The following SERINC5 variants were observed in gnomAD, a reference collection of about 807,000 sequenced individuals.
The protein encoded by SERINC5 is serine incorporator 5, also known as chromosome 5 open reading frame 12.
Under a neutral mutation model 63.1 loss-of-function variants are expected in SERINC5, and 41 were observed. The ratio of observed to expected loss-of-function variants is 0.65; its 90% CI spans 0.51 to 0.84. The LOEUF (loss-of-function observed/expected upper bound fraction) is 0.84, where lower values mean the gene tolerates loss of function less well. Among genes scored for constraint, SERINC5 ranks in the 40% least tolerant of loss-of-function variants. SERINC5 has a pLI of 0.00. For synonymous variants in SERINC5, 222 were observed against 215.2 expected (o/e 1.03, Z -0.28); for missense variants, 523 against 573.0 (o/e 0.91, Z 0.89).
chr5:80,145,965 G>A (rs752231174), intron 11 of SERINC5, 125 bp downstream of exon 11: 22 of 966,932 alleles, frequency 2.3e-5, no homozygotes, highest in Admixed American at 2.1e-4. Context: ...AGCCAGGATC[G>A]TGCCACTGCA....
At chr5:80,157,172 T>C (rs1746593173) in intron 8 of SERINC5, 1 of 152,006 alleles carries the variant, frequency 6.6e-6, no homozygotes. Flanking sequence ...TTTGTATTTT[T>C]AGTAGATATG....
At chr5:80,134,450 C>A (rs2112263355), downstream of SERINC5, among the ~76,000 whole-genome samples, 1 of 152,296 alleles carries the variant, frequency 6.6e-6, no homozygotes, top group East Asian at 1.9e-4. Flanking sequence ...GGGGCCACTG[C>A]ACTCCAGCCT....
At chr5:80,121,880 G>A (rs74606929) in intron 11 of SERINC5, among the ~76,000 whole-genome samples, 30 of 151,724 alleles carry the variant, frequency 2.0e-4, no homozygotes, top group Non-Finnish European at 2.6e-4. Context: ...TCATTACCTC[G>A]GGGAGGGCAC....
At chr5:80,154,224 G>A (rs1418035384) in intron 8 of SERINC5, among the ~76,000 whole-genome samples, 1 of 151,872 alleles carries the variant, frequency 6.6e-6, no homozygotes, top group African/African-American at 2.4e-5. Flanking sequence ...TTTTTGCCCA[G>A]GCTGTAGTGC....
In SERINC5 at chr5:80,143,701, C is replaced by A. The variant is rs537411704; in HGVS notation, c.1348G>T (p.Ala450Ser). ...TCCCGGGTGGGGCAGCAGAGGGGAG[C>A]GACCAGCGTACACAGGTACAACAGC... The part of the protein sequence containing the change: ...CVLLYLCTLV[A>S]PLCCPTREFS... The change falls in exon 12 of 12, where the codon GCT becomes TCT. Residue 450 changes from alanine (A) to serine (S), a missense_variant. Physicochemically the swap from Ala to Ser is moderately conservative, Grantham distance 99 (BLOSUM62 1). Transcript: ENST00000507668. 6.5e-7 allele frequency: 1 copy of A among 1,536,076 alleles called. No individual in the cohort carries two copies. Among genetic ancestry groups the A allele is most frequent in the Non-Finnish European group, 8.7e-7 (1 of 1,146,852 alleles).
At chr5:80,171,210 T>C (rs1251438839) in intron 5 of SERINC5, among the ~76,000 whole-genome samples, 1 of 152,034 alleles carries the variant, frequency 6.6e-6, no homozygotes, top group African/African-American at 2.4e-5. Flanking sequence ...GGTTTCACCA[T>C]CTTGGCCAGG....
chr5:80,179,153 G>A (rs1748252790), intron 2 of SERINC5, among the ~76,000 whole-genome samples: 2 of 152,014 alleles, frequency 1.3e-5, no homozygotes, highest in South Asian at 4.2e-4. Flanking sequence ...ACAATAATGA[G>A]CCCGGTGTGG....
chr5:80,129,585 A>G (rs1744864496), intron 11 of SERINC5, among the ~76,000 whole-genome samples: 1 of 152,210 alleles, frequency 6.6e-6, no homozygotes, highest in Non-Finnish European at 1.5e-5. Flanking sequence ...CTGGAATTAT[A>G]GGCATGAGCC....
At chr5:80,240,600 G>A (rs574046731) in intron 1 of SERINC5, among the ~76,000 whole-genome samples, 1 of 152,222 alleles carries the variant, frequency 6.6e-6, no homozygotes, top group Admixed American at 6.5e-5. Flanking sequence ...CTCTAGTGTA[G>A]AGTATTTACA....
At chr5:80,229,127 G>A (rs13178249) in intron 1 of SERINC5, among the ~76,000 whole-genome samples, 44,896 of 142,890 alleles carry the variant, frequency 0.31, 7,192 homozygotes, top group Admixed American at 0.42. Flanking sequence ...GAGTTCAAGC[G>A]ATTCTTGTGC....
intron 1 of SERINC5, among the ~76,000 whole-genome samples, chr5:80,227,774 G>A (rs969753439): frequency 7.2e-5 from 11 of 152,128 alleles, no homozygotes; most frequent in African/African-American, 2.4e-4. Flanking sequence ...GCTTGAACCC[G>A]GAAAGCAGAG....
chr5:80,248,258 C>A (rs1580221049), intron 1 of SERINC5, among the ~76,000 whole-genome samples: 1 of 152,174 alleles, frequency 6.6e-6, no homozygotes, highest in Admixed American at 6.5e-5. Flanking sequence ...ACTACTCTTG[C>A]GCTTTGGGGC....
At chr5:80,221,093 T>C (rs954725847) in intron 1 of SERINC5, among the ~76,000 whole-genome samples, 7 of 152,218 alleles carry the variant, frequency 4.6e-5, no homozygotes, top group African/African-American at 1.4e-4. Context: ...CTTGGCTCAA[T>C]GGTACTCCAA....
Position 80,142,823 on chromosome 5 carries a change from A to G in SERINC5, c.*840T>C, listed in dbSNP as rs530121655. On this transcript the variant is annotated 3_prime_UTR_variant, in exon 12 of 12. Transcript: ENST00000507668. ...TTATCAACAGCACAAACAAGTAAGA[A>G]TGATAGCCCTCCATTGCTTAGGCAG... 24 of 985,448 alleles carry G rather than the reference A, an allele frequency of 2.4e-5. No individual in the cohort carries two copies. In the South Asian group the frequency reaches 1.0e-3, roughly 42 times the overall value. The allele number at this position is 985,448 out of a possible 1,614,324, so 61.0% of individuals were successfully genotyped here. A position where few individuals can be genotyped will look rare whatever the true frequency, so the allele number is the denominator to read the frequency against.
chr5:80,174,369 A>AATAATAATAATAAT (rs1554064067), intron 5 of SERINC5, among the ~76,000 whole-genome samples: 2 of 131,718 alleles, frequency 1.5e-5, no homozygotes, highest in South Asian at 2.6e-4. Context: ...CCCATCTCAA[A>AATAATAATAATAAT]AATAATAATA....
At chr5:80,236,602 T>A (rs1156264732) in intron 1 of SERINC5, among the ~76,000 whole-genome samples, 6 of 151,168 alleles carry the variant, frequency 4.0e-5, no homozygotes. Context: ...CTCGGCTCAC[T>A]GCAACCTCCA....
At chr5:80,148,626 C>T (rs2112312370) in intron 9 of SERINC5, among the ~76,000 whole-genome samples, 1 of 151,920 alleles carries the variant, frequency 6.6e-6, no homozygotes, top group South Asian at 2.1e-4. Context: ...TGTGATCCCA[C>T]CACTGCACTC....
intron 5 of SERINC5, among the ~76,000 whole-genome samples, chr5:80,173,520 C>T (rs1206279294): frequency 4.6e-5 from 7 of 152,234 alleles, no homozygotes; most frequent in South Asian, 4.1e-4. Flanking sequence ...GGCACGAACC[C>T]GGGAGGCGGA....
At position 80,139,308 on chromosome 5, in the gene SERINC5, G is replaced by C; in HGVS notation, c.*4355C>G. 2 of 979,952 alleles carry C rather than the reference G, an allele frequency of 2.0e-6. No individual in the cohort carries two copies. The highest frequency in any genetic ancestry group is 2.4e-6 in the Non-Finnish European group (2 of 825,064). The allele number at this position is 979,952 out of a possible 1,614,324, so 60.7% of individuals were successfully genotyped here. ...TAAATTTCTTATAAATAGCTCTCCAGACATATATTACAAATCTGCTGTAAG... is the reference window on the plus strand; with the variant it reads ...TAAATTTCTTATAAATAGCTCTCCACACATATATTACAAATCTGCTGTAAG... On this transcript the variant is annotated 3_prime_UTR_variant, in exon 12 of 12. Coordinates refer to ENST00000507668, the MANE Select transcript of SERINC5 (RefSeq NM_001174072.3).
Sources: allele counts gnomAD v4.1 joint callset (sites outside exome capture counted in the v4.1 genomes callset), GRCh38; gene constraint gnomAD v4.1.1; transcripts MANE v1.5; gene names NCBI Gene and HGNC (gene_info 2026-07-23, HGNC 2026-07-21).